CCNT1: variants seen among roughly 807,000 people sequenced by gnomAD.
The protein encoded by CCNT1 is cyclin T1.
A neutral mutation model predicts 67.3 loss-of-function variants in CCNT1; 18 were observed. That is an observed-to-expected ratio of 0.27 (90% CI 0.18 to 0.40). The LOEUF is 0.40. CCNT1 is among the 10% of genes least tolerant of loss of function. The pLI is 1.00. For missense variants in CCNT1, 744 were observed against 884.9 expected, an observed-to-expected ratio of 0.84 and a Z score of 2.02; for synonymous variants, 333 against 310.3, an observed-to-expected ratio of 1.07 and a Z score of -0.77.
At chr12:48,703,027 G>A (rs939902540) in intron 3 of CCNT1, among the ~76,000 whole-genome samples, 2 of 151,166 alleles carry the variant, frequency 1.3e-5, no homozygotes, top group African/African-American at 4.9e-5. Context: ...AGGCTGAGGT[G>A]AAATGATCAC....
chr12:48,716,466 A>T (rs542200410), intron 1 of CCNT1, 49 bp downstream of exon 1: 2 of 1,529,636 alleles, frequency 1.3e-6, no homozygotes, highest in African/African-American at 2.8e-5. Flanking sequence ...CGGACGCCAG[A>T]GCATGGCGGG....
At chr12:48,698,570 T>C (rs1940217027) in intron 5 of CCNT1, among the ~76,000 whole-genome samples, 1 of 152,210 alleles carries the variant, frequency 6.6e-6, no homozygotes, top group Non-Finnish European at 1.5e-5. Context: ...TGAGAATCAC[T>C]AAACTACAGG....
Position 48,695,757 on chromosome 12 carries a change from AC to A in CCNT1, c.777+1del. The A allele has an allele frequency of 6.2e-7, 1 of 1,601,554 alleles. No individual in the cohort carries two copies. The highest frequency in any genetic ancestry group is 8.6e-7 in the Non-Finnish European group (1 of 1,168,740). On this transcript the variant is annotated splice_donor_variant, in intron 8 of 8. Coordinates refer to ENST00000261900, the MANE Select transcript of CCNT1 (RefSeq NM_001240.4). LOFTEE classifies it high-confidence loss of function. ...CCACAAGCTGACAGTAATGATTCTT[AC>A]CCTCCAATTCCAAATGCGTTTGAGC...
In CCNT1 at chr12:48,698,194, A is replaced by AC. The variant is rs747016826; in HGVS notation, c.497-12_497-11insG. 4.5e-6 allele frequency: 7 copies of AC among 1,568,006 alleles called. No individual in the cohort carries two copies. The South Asian group carries it at 7.3e-5, about 16-fold the overall frequency. On this transcript the variant is annotated splice_polypyrimidine_tract_variant and intron_variant, in intron 5 of 8. Coordinates refer to ENST00000261900, the MANE Select transcript of CCNT1 (RefSeq NM_001240.4). ...CTAAGTCCTTGCTTGCTAAAGAAAA[A>AC]AAAAAAAAGTCAGGGGTGGGGGAGG...
Position 48,692,399 on chromosome 12 carries a change from C to T in CCNT1, c.*634G>A, listed in dbSNP as rs868442853. ...ACACACATACCCACACTTACATACACACTTAAAAGTCTGAAAAAAGTGGCC... is the reference window on the plus strand; with the variant it reads ...ACACACATACCCACACTTACATACATACTTAAAAGTCTGAAAAAAGTGGCC... On this transcript the variant is annotated 3_prime_UTR_variant, in exon 9 of 9. Coordinates refer to ENST00000261900, the MANE Select transcript of CCNT1 (RefSeq NM_001240.4). 1.3e-4 allele frequency: 20 copies of T among 152,176 alleles called. No homozygotes were observed. The highest frequency in any genetic ancestry group is 4.8e-4 in the African/African-American group (20 of 41,442). 9.4% of individuals were successfully genotyped at this position (152,176 alleles called of 1,614,324 possible).
intron 2 of CCNT1, among the ~76,000 whole-genome samples, chr12:48,713,303 GTGA>G (rs1411827449): frequency 6.6e-6 from 1 of 150,788 alleles, no homozygotes; most frequent in Non-Finnish European, 1.5e-5. Flanking sequence ...CCAAGGTGCT[GTGA>G]TTATACATAA....
chr12:48,697,902 T>A, intron 6 of CCNT1: 1 of 208,642 alleles, frequency 4.8e-6, no homozygotes. Context: ...TGCAGAATAC[T>A]CCAAATTAGA....
chr12:48,705,168 G>C (rs1217183704), intron 3 of CCNT1, among the ~76,000 whole-genome samples: 1 of 152,188 alleles, frequency 6.6e-6, no homozygotes, highest in Non-Finnish European at 1.5e-5. Flanking sequence ...GTTGCCTGCA[G>C]TGGTGTGATC....
At chr12:48,710,349 T>C (rs1331414890) in intron 2 of CCNT1, among the ~76,000 whole-genome samples, 1 of 152,198 alleles carries the variant, frequency 6.6e-6, no homozygotes, top group South Asian at 2.1e-4. Context: ...CAGCTAAACT[T>C]AGAATTAGTA....
chr12:48,716,008 T>C (rs1465791171), intron 1 of CCNT1, among the ~76,000 whole-genome samples: 4 of 152,072 alleles, frequency 2.6e-5, no homozygotes, highest in African/African-American at 9.7e-5. Context: ...GGCCAAAAAT[T>C]TGAGAGGTCA....
At chr12:48,702,058 G>A (rs1339179372) in intron 3 of CCNT1, among the ~76,000 whole-genome samples, 2 of 152,038 alleles carry the variant, frequency 1.3e-5, no homozygotes, top group African/African-American at 4.8e-5. Context: ...CACCACGCCC[G>A]GCTAGTTTTT....
In CCNT1 at chr12:48,705,911, A is replaced by T. The variant is rs1940349291; in HGVS notation, c.244-15T>A. 1.1e-5 allele frequency: 18 copies of T among 1,602,808 alleles called. No homozygotes were observed. Among genetic ancestry groups the T allele is most frequent in the Non-Finnish European group, 1.5e-5 (18 of 1,176,264 alleles). On this transcript the variant is annotated splice_polypyrimidine_tract_variant and intron_variant, in intron 2 of 8. Transcript: ENST00000261900. Reference sequence around the variant, plus strand: ...GGAGCCACAGACTGAATGGAGAGAAAATAAATCATATTTATTATCAATTTA... The same window carrying T: ...GGAGCCACAGACTGAATGGAGAGAATATAAATCATATTTATTATCAATTTA...
At chr12:48,710,690 T>C (rs917120238) in intron 2 of CCNT1, among the ~76,000 whole-genome samples, 5 of 152,226 alleles carry the variant, frequency 3.3e-5, no homozygotes, top group Admixed American at 2.0e-4. Flanking sequence ...CATCCATTCA[T>C]TCAATAAGTT....
At chr12:48,709,519 GAAC>G (rs1208985540) in intron 2 of CCNT1, among the ~76,000 whole-genome samples, 4 of 152,002 alleles carry the variant, frequency 2.6e-5, no homozygotes, top group Non-Finnish European at 2.9e-5. Context: ...TAATAAACTA[GAAC>G]AACAACCCAA....
chr12:48,716,051 G>A (rs1940528107), intron 1 of CCNT1, among the ~76,000 whole-genome samples: 2 of 152,226 alleles, frequency 1.3e-5, no homozygotes, highest in Non-Finnish European at 2.9e-5. Flanking sequence ...AATGGATTTT[G>A]GACCAAGGCT....
In CCNT1 at chr12:48,716,517, G is replaced by A. The variant is rs754611925; in HGVS notation, c.159C>T (p.Asn53=). ...NLLQDMGQRL[N]VSQLTINTAI... ...GAAGGCCTAGGCCACAAGGATACAC[G>A]TTAAGACGCTGCCCCATGTCCTGAA... Residue 53 remains asparagine, a splice_region_variant and synonymous_variant, in exon 1 of 9, where the codon AAC becomes AAT. Coordinates refer to ENST00000261900, the MANE Select transcript of CCNT1 (RefSeq NM_001240.4). 7 of 1,613,356 alleles carry A rather than the reference G, an allele frequency of 4.3e-6. No individual in the cohort carries two copies. The highest frequency in any genetic ancestry group is 3.3e-5 in the Admixed American group (2 of 59,964).
At chr12:48,703,663 C>T (rs1340540597) in intron 3 of CCNT1, among the ~76,000 whole-genome samples, 2 of 151,104 alleles carry the variant, frequency 1.3e-5, no homozygotes, top group African/African-American at 4.9e-5. Context: ...CAGCCAGGTG[C>T]AGTGGCTCAC....
At position 48,716,671 on chromosome 12, in the gene CCNT1, T is replaced by A; in HGVS notation, c.5A>T (p.Glu2Val). 6.2e-7 allele frequency: 1 copy of A among 1,613,388 alleles called. No homozygotes were observed. The highest frequency in any genetic ancestry group is 2.2e-5 in the East Asian group (1 of 44,832). The part of the protein sequence containing the change: M[E>V]GERKNNNKRW... ...TTTGTTGTTGTTCTTCCTCTCTCCC[T>A]CCATAGTGCTTCAACCAGAAGGCAG... The change falls in exon 1 of 9, where the codon GAG becomes GTG. Residue 2 changes from glutamate (E) to valine (V), a missense_variant. Transcript: ENST00000261900.
intron 6 of CCNT1, among the ~76,000 whole-genome samples, chr12:48,696,580 T>C (rs1324408451): frequency 6.6e-6 from 1 of 152,186 alleles, no homozygotes; most frequent in East Asian, 1.9e-4. Flanking sequence ...TTTTGGTCTG[T>C]GTAATCCGTA....
Sources: gnomAD v4.1 joint callset for allele counts (sites outside exome capture counted in the v4.1 genomes callset) on GRCh38, gnomAD v4.1.1 for gene constraint, MANE v1.5 for transcripts, NCBI Gene and HGNC (gene_info 2026-07-23, HGNC 2026-07-21) for gene names.